The following RUNX1T1 variants were observed in gnomAD, a reference collection of about 807,000 sequenced individuals.
The protein encoded by RUNX1T1 is RUNX1 partner transcriptional co-repressor 1.
Under a neutral mutation model 62.8 loss-of-function variants are expected in RUNX1T1, and 4 were observed. That is an observed-to-expected ratio of 0.06 (90% CI 0.03 to 0.15). The LOEUF (loss-of-function observed/expected upper bound fraction) is 0.15, where lower values mean the gene tolerates loss of function less well. Among genes scored for constraint, RUNX1T1 ranks in the 10% least tolerant of loss-of-function variants. RUNX1T1 has a pLI of 1.00. For synonymous variants in RUNX1T1, 291 were observed against 286.0 expected (o/e 1.02, Z -0.18); for missense variants, 508 against 754.3 (o/e 0.67, Z 3.82).
chr8:91,986,066 C>A, intron 8 of RUNX1T1, 58 bp downstream of exon 9: 1 of 1,116,098 alleles, frequency 9.0e-7, no homozygotes, highest in South Asian at 1.3e-5. Flanking sequence ...AAAATGAAGT[C>A]AGCATTAACA....
chr8:92,016,130 T>C (rs1221663278), intron 2 of RUNX1T1, among the ~76,000 whole-genome samples: 2 of 152,248 alleles, frequency 1.3e-5, no homozygotes, highest in African/African-American at 4.8e-5. Context: ...GCAAAATAGC[T>C]GCAACCGATA....
intron 5 of RUNX1T1, among the ~76,000 whole-genome samples, chr8:91,995,666 A>G (rs1428270886): frequency 6.6e-6 from 1 of 152,156 alleles, no homozygotes; most frequent in Non-Finnish European, 1.5e-5. Flanking sequence ...ATACACCCAT[A>G]GTTCTAACTA....
chr8:92,102,836 A>AGCCCTACCGCGGACAC, upstream of RUNX1T1: 1 of 1,508,978 alleles, frequency 6.6e-7, no homozygotes, highest in Middle Eastern at 1.7e-4. This position sits in a 1 kb window ranked among gnomAD's most constrained non-coding sequence, Gnocchi z 4.5. Context: ...CCGCCGGCCA[A>AGCCCTACCGCGGACAC]GCCCTACCGC....
intron 9 of RUNX1T1, among the ~76,000 whole-genome samples, chr8:91,974,675 T>G (rs1432014837): frequency 6.6e-6 from 1 of 152,146 alleles, no homozygotes; most frequent in Non-Finnish European, 1.5e-5. Context: ...ACATGACTAT[T>G]ACAGTAAATC....
At chr8:92,075,301 A>T (rs902046920) in intron 2 of RUNX1T1, among the ~76,000 whole-genome samples, 1 of 152,252 alleles carries the variant, frequency 6.6e-6, no homozygotes, top group Non-Finnish European at 1.5e-5. Flanking sequence ...AGAGCTGGCT[A>T]CAGGAGACAT....
intron 4 of RUNX1T1, among the ~76,000 whole-genome samples, chr8:92,008,278 A>C (rs1027764915): frequency 6.6e-6 from 1 of 151,922 alleles, no homozygotes; most frequent in Non-Finnish European, 1.5e-5. Context: ...ACGATGAGGA[A>C]GCGGGGGGGA....
intron 1 of RUNX1T1, among the ~76,000 whole-genome samples, chr8:92,019,835 C>T (rs1025444942): frequency 1.3e-4 from 19 of 142,472 alleles, no homozygotes; most frequent in South Asian, 4.3e-4. Flanking sequence ...TTGTCTTGGT[C>T]CACACTTGTA....
chr8:92,057,394 A>G (rs577479451), intron 1 of RUNX1T1, among the ~76,000 whole-genome samples: 3 of 152,346 alleles, frequency 2.0e-5, no homozygotes, highest in South Asian at 2.1e-4. Flanking sequence ...GTCCTTGGGC[A>G]AACTGCTTAA....
At chr8:91,992,028 A>G in intron 5 of RUNX1T1, 139 bp from the exon 7 acceptor site, 1 of 890,520 alleles carries the variant, frequency 1.1e-6, no homozygotes, top group Non-Finnish European at 1.7e-6. Context: ...TTCCCAGAAA[A>G]CATACGGGAA....
At chr8:92,022,595 A>C (rs2131226924) in intron 1 of RUNX1T1, among the ~76,000 whole-genome samples, 1 of 152,272 alleles carries the variant, frequency 6.6e-6, no homozygotes, top group South Asian at 2.1e-4. Flanking sequence ...CCATGTAAAA[A>C]GGCACTATTC....
chr8:91,988,266 G>T (rs1458213176), intron 6 of RUNX1T1, among the ~76,000 whole-genome samples: 4 of 152,144 alleles, frequency 2.6e-5, no homozygotes, highest in African/African-American at 9.6e-5. Context: ...TAAATAAAAA[G>T]CTAAATATAA....
At chr8:91,970,765 T>C (rs1223225553) in exon 10 of RUNX1T1, 2 of 1,613,770 alleles carry the variant, frequency 1.2e-6, no homozygotes, top group African/African-American at 2.7e-5. Flanking sequence ...GTTGTGATCA[T>C]GTCGTGGGCT....
intron 1 of RUNX1T1, among the ~76,000 whole-genome samples, chr8:92,098,864 A>G (rs1837910136): frequency 6.6e-6 from 1 of 152,208 alleles, no homozygotes; most frequent in Non-Finnish European, 1.5e-5. Flanking sequence ...CAACACAGAG[A>G]TAACCTGCTC....
chr8:91,984,996 T>G (rs1456099564), intron 8 of RUNX1T1, among the ~76,000 whole-genome samples: 3 of 152,244 alleles, frequency 2.0e-5, no homozygotes, highest in East Asian at 3.9e-4. Context: ...CAAACCTAAG[T>G]GCATAGGAAA....
intron 1 of RUNX1T1, among the ~76,000 whole-genome samples, chr8:92,096,951 A>G (rs1181500142): frequency 6.6e-6 from 1 of 152,110 alleles, no homozygotes; most frequent in Non-Finnish European, 1.5e-5. Context: ...GGTTTTATGT[A>G]TAGTTGAGCA....
At chr8:91,972,512 G>T (rs962146245) in intron 9 of RUNX1T1, among the ~76,000 whole-genome samples, 1 of 152,082 alleles carries the variant, frequency 6.6e-6, no homozygotes, top group African/African-American at 2.4e-5. Flanking sequence ...TTCTTCACCA[G>T]GAGGTGAAAA....
intron 1 of RUNX1T1, among the ~76,000 whole-genome samples, chr8:92,048,685 C>CA (rs889840281): frequency 6.6e-6 from 1 of 151,816 alleles, no homozygotes. Context: ...TACTTAAGTA[C>CA]ATTGTATCTC....
In RUNX1T1 at chr8:92,025,416, T is replaced by C. The variant is rs558898547; in HGVS notation, c.8-8053A>G. Among the ~76,000 whole-genome samples the C allele has an allele frequency of 8.5e-5, 13 of 152,318 alleles. No individual in the cohort carries two copies. In the East Asian group the frequency reaches 2.5e-3, roughly 29 times the overall value. On this transcript the variant is annotated intron_variant, in intron 1 of 10. Transcript: ENST00000396218. Reference sequence around the variant, plus strand: ...ACCTCTGACCTCCATACTAGACAGCTGCAGTTCTCCAAATGCCCATGGTCA... The same window carrying C: ...ACCTCTGACCTCCATACTAGACAGCCGCAGTTCTCCAAATGCCCATGGTCA...
intron 1 of RUNX1T1, among the ~76,000 whole-genome samples, chr8:92,087,040 T>C (rs1380555645): frequency 6.6e-6 from 1 of 152,226 alleles, no homozygotes; most frequent in Non-Finnish European, 1.5e-5. Flanking sequence ...TATAAAGATC[T>C]ATTTTATCAC....
Sources: allele counts gnomAD v4.1 joint callset (sites outside exome capture counted in the v4.1 genomes callset), GRCh38; gene constraint gnomAD v4.1.1; non-coding constraint Gnocchi (gnomAD v3.1); transcripts MANE v1.5; gene names NCBI Gene and HGNC (gene_info 2026-07-23, HGNC 2026-07-21).